WWOX: variants seen among roughly 807,000 people sequenced by gnomAD.
WWOX encodes the protein WW domain-containing oxidoreductase.
In WWOX, 69 loss-of-function variants were observed where a neutral mutation model predicts 46.2. The ratio of observed to expected loss-of-function variants is 1.49; its 90% CI spans 1.23 to 1.82. The LOEUF (loss-of-function observed/expected upper bound fraction) is 1.82, where lower values mean the gene tolerates loss of function less well. Ranked by LOEUF, WWOX falls within the 40% of genes most tolerant of loss-of-function variation. The pLI is 0.00. For synonymous variants in WWOX, 359 were observed against 202.6 expected, an observed-to-expected ratio of 1.77 and a Z score of -6.56; for missense variants, 919 against 542.6, an observed-to-expected ratio of 1.69 and a Z score of -6.89.
intron 8 of WWOX, among the ~76,000 whole-genome samples, chr16:78,476,987 C>A (rs75905805): frequency 1.3e-5 from 2 of 151,810 alleles, no homozygotes; most frequent in Non-Finnish European, 2.9e-5. Flanking sequence ...ATTATAAATA[C>A]GATGGGATTG....
chr16:78,881,670 A>G (rs1348573347), intron 8 of WWOX, among the ~76,000 whole-genome samples: 2 of 152,212 alleles, frequency 1.3e-5, no homozygotes, highest in East Asian at 3.9e-4. Flanking sequence ...ATACAGATAG[A>G]CAATATTTGT....
rs79013640 is a variant in WWOX at position 78,855,777 on chromosome 16, A to T, written c.1057-355831A>T. Among the ~76,000 whole-genome samples the T allele has an allele frequency of 5.1e-4, 77 of 152,292 alleles. 3 individuals carry two copies. The East Asian group carries it at 0.015, about 29-fold the overall frequency. On this transcript the variant is annotated intron_variant, in intron 8 of 8. Coordinates refer to ENST00000566780, the MANE Select transcript of WWOX (RefSeq NM_016373.4). ...TGTTTGCTTCCCTCATGCTGTGTGG[A>T]TCAGAAAAGATAGCCTGTTCATTCA...
chr16:79,171,163 C>G (rs557969371), intron 8 of WWOX, among the ~76,000 whole-genome samples: 88 of 152,266 alleles, frequency 5.8e-4, no homozygotes, highest in African/African-American at 1.9e-3. Context: ...CACACACTGA[C>G]TTGGGAGACA....
intron 5 of WWOX, among the ~76,000 whole-genome samples, chr16:78,274,047 GT>G (rs1280971668): frequency 1.3e-5 from 2 of 152,146 alleles, no homozygotes; most frequent in African/African-American, 4.8e-5. Flanking sequence ...TTGCTTAGGT[GT>G]TTTCAAACTA....
chr16:78,132,538 G>T (rs1174278419), intron 4 of WWOX, among the ~76,000 whole-genome samples: 2 of 152,172 alleles, frequency 1.3e-5, no homozygotes, highest in African/African-American at 4.8e-5. Flanking sequence ...GCCATGTGAT[G>T]ATTTTTTAAA....
At chr16:78,286,745 A>T (rs2079774147) in intron 5 of WWOX, among the ~76,000 whole-genome samples, 1 of 152,194 alleles carries the variant, frequency 6.6e-6, no homozygotes, top group South Asian at 2.1e-4. Flanking sequence ...CTTCTTCTTC[A>T]TTATGTACCC....
At chr16:78,916,358 A>G (rs2045252000) in intron 8 of WWOX, among the ~76,000 whole-genome samples, 1 of 152,182 alleles carries the variant, frequency 6.6e-6, no homozygotes. Flanking sequence ...AGCTCGTTCG[A>G]CAGCTGTAAA....
chr16:78,821,106 A>G (rs889704576), intron 8 of WWOX, among the ~76,000 whole-genome samples: 3 of 152,160 alleles, frequency 2.0e-5, no homozygotes, highest in Non-Finnish European at 2.9e-5. Context: ...GGGGGACACT[A>G]TTGAACCCAC....
At chr16:78,821,338 G>A (rs868271323) in intron 8 of WWOX, among the ~76,000 whole-genome samples, 9 of 152,020 alleles carry the variant, frequency 5.9e-5, no homozygotes, top group Non-Finnish European at 7.4e-5. Flanking sequence ...GAAGCCAAGC[G>A]CCCCCCAGCC....
rs541086624 is a variant in WWOX, at chr16:78,378,199, A to C, written c.517-8661A>C. Among the ~76,000 whole-genome samples the C allele has an allele frequency of 1.2e-4, 18 of 152,020 alleles. No homozygotes were observed. The East Asian group carries it at 3.5e-3, about 29-fold the overall frequency. ...TGTGGTTCTGTGTTTTAAAATGTGG[A>C]ATCATCTCCAAAAGTGTTTGTTTAT... is the stretch of plus-strand genomic sequence containing the variant. On this transcript the variant is annotated intron_variant, in intron 5 of 8. Transcript: ENST00000566780.
chr16:79,058,374 A>C (rs185911099), intron 8 of WWOX, among the ~76,000 whole-genome samples: 1 of 90,446 alleles, frequency 1.1e-5, no homozygotes, highest in East Asian at 2.2e-4. Context: ...CAAGTAGTAA[A>C]CTCTGGATAA....
chr16:78,741,435 C>G (rs2049225586), intron 8 of WWOX, among the ~76,000 whole-genome samples: 1 of 152,158 alleles, frequency 6.6e-6, no homozygotes, highest in South Asian at 2.1e-4. Flanking sequence ...TGGCGCATGT[C>G]TGTAATTACA....
chr16:78,472,252 A>T (rs547975662), intron 8 of WWOX, among the ~76,000 whole-genome samples: 3 of 152,130 alleles, frequency 2.0e-5, no homozygotes, highest in Non-Finnish European at 4.4e-5. Context: ...TGTCTTAATG[A>T]TGGAATGACT....
intron 8 of WWOX, among the ~76,000 whole-genome samples, chr16:79,043,699 T>C (rs1242068627): frequency 1.3e-5 from 2 of 152,246 alleles, no homozygotes; most frequent in African/African-American, 2.4e-5. Context: ...CAGTATAGAC[T>C]GGGCAGAGGA....
chr16:78,164,874 G>A (rs2034920463), intron 5 of WWOX, among the ~76,000 whole-genome samples: 1 of 152,224 alleles, frequency 6.6e-6, no homozygotes, highest in African/African-American at 2.4e-5. Flanking sequence ...AGCAGAGGAA[G>A]GTGGGGGGAA....
At chr16:78,955,181 G>A (rs2046140165) in intron 8 of WWOX, among the ~76,000 whole-genome samples, 2 of 152,194 alleles carry the variant, frequency 1.3e-5, no homozygotes, top group South Asian at 2.1e-4. Context: ...AGGAGAGACT[G>A]CAGGGGTCAG....
intron 8 of WWOX, among the ~76,000 whole-genome samples, chr16:78,572,602 C>CAAAAAA (rs35178787): frequency 9.6e-5 from 4 of 41,496 alleles, no homozygotes; most frequent in Non-Finnish European, 1.3e-4. Context: ...GACTCTGTCT[C>CAAAAAA]AAAAAAAAAA....
At chr16:78,170,158 A>G (rs1240131341) in intron 5 of WWOX, among the ~76,000 whole-genome samples, 2 of 152,150 alleles carry the variant, frequency 1.3e-5, no homozygotes, top group Non-Finnish European at 2.9e-5. Context: ...GCATTGCCAG[A>G]TGTCTCTTGG....
intron 8 of WWOX, among the ~76,000 whole-genome samples, chr16:79,092,921 C>A (rs2048993286): frequency 6.6e-6 from 1 of 152,116 alleles, no homozygotes; most frequent in Non-Finnish European, 1.5e-5. Flanking sequence ...CATGGATGGA[C>A]ATGTGAGTTT....
Sources: gnomAD v4.1 joint callset for allele counts (sites outside exome capture counted in the v4.1 genomes callset) on GRCh38, gnomAD v4.1.1 for gene constraint, MANE v1.5 for transcripts, NCBI Gene and HGNC (gene_info 2026-07-23, HGNC 2026-07-21) for gene names.